ACLY: variants seen among roughly 807,000 people sequenced by gnomAD.
The protein encoded by ACLY is ATP citrate lyase.
In ACLY, 41 loss-of-function variants were observed where a neutral mutation model predicts 133.0. The ratio of observed to expected loss-of-function variants is 0.31; its 90% CI spans 0.24 to 0.40. The LOEUF is 0.40. Ranked by LOEUF, ACLY falls within the 10% of genes least tolerant of loss-of-function variation. The probability of loss-of-function intolerance (pLI) is 1.00; values close to 1 mark genes in which losing one functional copy is unlikely to be tolerated. For missense variants in ACLY, 1,046 were observed against 1,453.8 expected, an observed-to-expected ratio of 0.72 and a Z score of 4.56; for synonymous variants, 495 against 549.3, an observed-to-expected ratio of 0.90 and a Z score of 1.38.
intron 1 of ACLY, among the ~76,000 whole-genome samples, chr17:41,927,789 G>A (rs950496010): frequency 1.3e-5 from 2 of 151,702 alleles, no homozygotes; most frequent in Non-Finnish European, 2.9e-5. Flanking sequence ...TCACGCCACT[G>A]CACTCCAGCC....
chr17:41,915,965 C>T (rs2050040451), intron 1 of ACLY, among the ~76,000 whole-genome samples: 1 of 152,124 alleles, frequency 6.6e-6, no homozygotes, highest in African/African-American at 2.4e-5. Flanking sequence ...CTGAGACTCC[C>T]AGTAAAACAG....
intron 17 of ACLY, among the ~76,000 whole-genome samples, chr17:41,886,985 G>C (rs547787746): frequency 1.3e-5 from 2 of 151,236 alleles, no homozygotes; most frequent in African/African-American, 2.4e-5. Context: ...TTAGCCAGGC[G>C]TGGTGGTTCA....
chr17:41,921,683 T>G (rs1177032132), upstream of ACLY, among the ~76,000 whole-genome samples: 1 of 151,690 alleles, frequency 6.6e-6, no homozygotes, highest in African/African-American at 2.4e-5. Flanking sequence ...AAAAATTAGC[T>G]GGGCAGCTGG....
chr17:41,909,816 G>A (rs573951654), intron 4 of ACLY, 116 bp from the exon 5 acceptor site: 35 of 884,994 alleles, frequency 4.0e-5, no homozygotes, highest in African/African-American at 3.7e-4. Flanking sequence ...CAATCCCCAC[G>A]GTCTCATTTT....
intron 3 of ACLY, among the ~76,000 whole-genome samples, 173 bp from the exon 4 acceptor site, chr17:41,910,457 G>A (rs1187667211): frequency 1.3e-5 from 2 of 152,240 alleles, no homozygotes; most frequent in Admixed American, 6.5e-5. Context: ...TAAGTCCTCA[G>A]GAGATGCCCT....
intron 8 of ACLY, among the ~76,000 whole-genome samples, chr17:41,906,072 C>A (rs1389196160): frequency 6.6e-6 from 1 of 152,138 alleles, no homozygotes; most frequent in Non-Finnish European, 1.5e-5. Flanking sequence ...GAGCAGGTGT[C>A]TACCATGCTT....
At chr17:41,907,632 C>T (rs1409700878) in intron 6 of ACLY, 60 bp from the exon 7 acceptor site, 17 of 1,581,598 alleles carry the variant, frequency 1.1e-5, no homozygotes, top group Admixed American at 1.7e-5. Flanking sequence ...AACCACCAAC[C>T]TCCAACCCCT....
At chr17:41,912,303 C>T (rs2049926089) in intron 3 of ACLY, 117 bp downstream of exon 3, 1 of 1,419,130 alleles carries the variant, frequency 7.0e-7, no homozygotes, top group Non-Finnish European at 9.6e-7. Flanking sequence ...GGACTCCTGC[C>T]TTCCCTGAGC....
chr17:41,921,088 T>C (rs1212067341), upstream of ACLY, among the ~76,000 whole-genome samples: 1 of 145,496 alleles, frequency 6.9e-6, no homozygotes, highest in African/African-American at 2.6e-5. Flanking sequence ...ATCGCACCAG[T>C]GCACTCTAGC....
At chr17:41,889,501 T>C (rs555706345) in intron 16 of ACLY, among the ~76,000 whole-genome samples, 86 of 95,216 alleles carry the variant, frequency 9.0e-4, no homozygotes, top group African/African-American at 3.6e-3. Context: ...CTAGCTTGGG[T>C]GATGGAGAAA....
rs1237258041 is a variant in ACLY, at chr17:41,869,411, GCTC to G, written c.3051+60_3051+62del. 6 of 1,293,784 alleles carry G rather than the reference GCTC, an allele frequency of 4.6e-6. No homozygotes were observed. In the East Asian group the frequency reaches 1.2e-4, roughly 25 times the overall value. 80.1% of individuals were successfully genotyped at this position (1,293,784 alleles called of 1,614,324 possible). ...AGCTGCATAATCAAAATGTAACGTG[GCTC>G]CTGTTTCCTCCAATAAACTTGTCCA... On this transcript the variant is annotated intron_variant, in intron 26 of 28. Coordinates refer to ENST00000352035, the MANE Select transcript of ACLY (RefSeq NM_001096.3).
chr17:41,883,710 G>A (rs746820425), intron 19 of ACLY, among the ~76,000 whole-genome samples: 18 of 150,066 alleles, frequency 1.2e-4, no homozygotes, highest in Non-Finnish European at 2.1e-4. Flanking sequence ...TCAGCCTCCC[G>A]AGTGGTTGGG....
intron 1 of ACLY, among the ~76,000 whole-genome samples, chr17:41,928,982 A>G (rs574770828): frequency 1.4e-3 from 216 of 152,072 alleles, no homozygotes; most frequent in Middle Eastern, 3.4e-3. Flanking sequence ...CTCATCAATG[A>G]GCCCACCTTA....
intron 23 of ACLY, among the ~76,000 whole-genome samples, chr17:41,872,439 C>T: frequency 6.6e-6 from 1 of 152,154 alleles, no homozygotes; most frequent in African/African-American, 2.4e-5. Flanking sequence ...AATTTGCCTG[C>T]CTCAACCTCC....
At position 41,887,637 on chromosome 17, in the gene ACLY, C is replaced by T; in HGVS notation, c.1837G>A (p.Ala613Thr). The change falls in exon 17 of 29, where the codon GCG (alanine) becomes ACG (threonine). Residue 613 changes from alanine (A) to threonine (T), a missense_variant. Ala to Thr is a moderately conservative substitution (Grantham distance 58, BLOSUM62 0). This residue lies in a region of ACLY where 575 missense variants were observed against 804.2 expected (regional missense o/e 0.71). Coordinates refer to ENST00000352035, the MANE Select transcript of ACLY (RefSeq NM_001096.3). ...EALTRKLIKKADQKGVTIIGP... is the reference protein window; with the variant it reads ...EALTRKLIKKTDQKGVTIIGP... ...ATGATGGTCACTCCCTTCTGGTCCG[C>T]CTTCTTGATCAGCTTTCTCGTGAGG... is the stretch of plus-strand genomic sequence containing the variant. 4 of 1,613,862 alleles carry T rather than the reference C, an allele frequency of 2.5e-6. No individual in the cohort carries two copies. The highest frequency in any genetic ancestry group is 3.4e-6 in the Non-Finnish European group (4 of 1,179,848).
chr17:41,886,902 C>T (rs1263720481), intron 17 of ACLY, among the ~76,000 whole-genome samples: 2 of 152,018 alleles, frequency 1.3e-5, no homozygotes, highest in African/African-American at 2.4e-5. Flanking sequence ...AGGGGGCAGA[C>T]TACCTGAGGT....
At chr17:41,906,376 A>G (rs1555632654) in intron 8 of ACLY, 152 bp downstream of exon 8, 2 of 662,998 alleles carry the variant, frequency 3.0e-6, no homozygotes, top group African/African-American at 1.8e-5. Flanking sequence ...ACAGGCCCTC[A>G]CCAACATCCC....
At chr17:41,887,464 T>G in intron 17 of ACLY, 135 bp downstream of exon 17, 1 of 709,140 alleles carries the variant, frequency 1.4e-6, no homozygotes, top group East Asian at 2.9e-5. Flanking sequence ...ATGGACAGAC[T>G]GATTTTCAAC....
chr17:41,875,037 T>C (rs1434563842), intron 22 of ACLY, among the ~76,000 whole-genome samples: 5 of 151,268 alleles, frequency 3.3e-5, no homozygotes, highest in African/African-American at 1.2e-4. Flanking sequence ...ACTTCAGATA[T>C]AGCTGCCAAC....
Sources: allele counts gnomAD v4.1 joint callset (sites outside exome capture counted in the v4.1 genomes callset), GRCh38; gene constraint gnomAD v4.1.1; regional missense constraint gnomAD v4.1.1; transcripts MANE v1.5; gene names NCBI Gene and HGNC (gene_info 2026-07-23, HGNC 2026-07-21).